Variants in EFCAB7 observed in about 807,000 individuals in gnomAD.
EFCAB7 encodes the protein EF-hand calcium-binding domain-containing protein 7.
A neutral mutation model predicts 77.1 loss-of-function variants in EFCAB7; 66 were observed. The observed-to-expected ratio is 0.86, with a 90% CI of 0.70 to 1.05. The LOEUF is 1.05. Among genes scored for constraint, EFCAB7 ranks in the 50% least tolerant of loss-of-function variants. The probability of loss-of-function intolerance (pLI) is 0.00; values close to 1 mark genes in which losing one functional copy is unlikely to be tolerated. For missense variants in EFCAB7, 638 were observed against 730.5 expected (o/e 0.87, Z 1.46); for synonymous variants, 225 against 243.3 (o/e 0.92, Z 0.70).
chr1:63,526,604 A>G (rs1474417636), intron 2 of EFCAB7, among the ~76,000 whole-genome samples: 1 of 152,252 alleles, frequency 6.6e-6, no homozygotes, highest in Admixed American at 6.5e-5. Flanking sequence ...TAAATAAAAT[A>G]CATTATTTGT....
chr1:63,531,610 A>G (rs1646696811), intron 2 of EFCAB7, among the ~76,000 whole-genome samples: 1 of 152,178 alleles, frequency 6.6e-6, no homozygotes, highest in Admixed American at 6.5e-5. Context: ...ATTAATAATT[A>G]AAGAATGTTT....
At chr1:63,567,143 GATTA>G (rs749733814) in intron 11 of EFCAB7, among the ~76,000 whole-genome samples, 5 of 152,200 alleles carry the variant, frequency 3.3e-5, no homozygotes, top group Admixed American at 6.5e-5. Context: ...GAAGGAGAAT[GATTA>G]ATTAATTAAA....
At position 63,537,371 on chromosome 1, in the gene EFCAB7, A is replaced by G. The variant is rs571297770; in HGVS notation, c.804+3155A>G. On this transcript the variant is annotated intron_variant, in intron 6 of 13. Coordinates refer to ENST00000371088, the MANE Select transcript of EFCAB7 (RefSeq NM_032437.4). ...GCCTACATTTATGTTTTATTCATATATAGTACAACATATGCACACACATCA... is the reference window on the plus strand; with the variant it reads ...GCCTACATTTATGTTTTATTCATATGTAGTACAACATATGCACACACATCA... 5.9e-5 allele frequency among the ~76,000 whole-genome samples: 9 copies of G among 152,310 alleles called. No homozygotes were observed. In the South Asian group the frequency reaches 1.7e-3, roughly 28 times the overall value.
intron 1 of EFCAB7, among the ~76,000 whole-genome samples, 162 bp downstream of exon 1, chr1:63,523,796 A>G (rs1646522870): frequency 6.6e-6 from 1 of 152,190 alleles, no homozygotes; most frequent in African/African-American, 2.4e-5. Context: ...AGAGGAATAC[A>G]AAAATAGAGA....
intron 6 of EFCAB7, among the ~76,000 whole-genome samples, chr1:63,534,671 C>T (rs1251969640): frequency 3.3e-5 from 5 of 151,900 alleles, no homozygotes; most frequent in Admixed American, 2.0e-4. Context: ...TTTCTTTCAA[C>T]AGAAAATAAT....
chr1:63,585,239 GTT>G, the EFCAB7 span, among the ~76,000 whole-genome samples: 324 of 151,710 alleles, frequency 2.1e-3, no homozygotes, highest in African/African-American at 7.6e-3. Flanking sequence ...GTAGTTTGTA[GTT>G]TTTGAGCATT....
intron 2 of EFCAB7, among the ~76,000 whole-genome samples, chr1:63,530,834 A>T (rs1646682189): frequency 6.6e-6 from 1 of 152,222 alleles, no homozygotes; most frequent in African/African-American, 2.4e-5. Context: ...TGGTATTCTT[A>T]AATGAATGAT....
intron 2 of EFCAB7, 128 bp from the exon 3 acceptor site, chr1:63,531,692 A>G: frequency 1.2e-6 from 1 of 836,970 alleles, no homozygotes; most frequent in Non-Finnish European, 1.9e-6. Context: ...GTCAACACCA[A>G]AGTAATGTAC....
chr1:63,528,702 A>G (rs1441633388), intron 2 of EFCAB7, among the ~76,000 whole-genome samples: 1 of 152,124 alleles, frequency 6.6e-6, no homozygotes, highest in Non-Finnish European at 1.5e-5. Flanking sequence ...AAAATTAAAG[A>G]TTTAAAAAAA....
At chr1:63,563,384 T>C (rs1377168542) in intron 11 of EFCAB7, among the ~76,000 whole-genome samples, 2 of 152,208 alleles carry the variant, frequency 1.3e-5, no homozygotes, top group Admixed American at 1.3e-4. Context: ...CAAAGCTGAA[T>C]TGATTGCTTA....
downstream of EFCAB7, among the ~76,000 whole-genome samples, chr1:63,577,563 A>G (rs955749711): frequency 6.6e-6 from 1 of 152,210 alleles, no homozygotes; most frequent in Non-Finnish European, 1.5e-5. Flanking sequence ...TGGCTTTTGA[A>G]AAAAAAGTTT....
intron 3 of EFCAB7, among the ~76,000 whole-genome samples, chr1:63,532,466 C>A (rs977196760): frequency 3.3e-5 from 5 of 152,032 alleles, no homozygotes; most frequent in African/African-American, 1.2e-4. Context: ...AACTGAAATT[C>A]AGCACACTTT....
At chr1:63,549,828 G>T in intron 7 of EFCAB7, 1 of 167,960 alleles carries the variant, frequency 6.0e-6, no homozygotes, top group Non-Finnish European at 1.3e-5. Context: ...CAAGTTAGCT[G>T]CTGTTTTTGT....
chr1:63,530,972 C>T (rs942087836), intron 2 of EFCAB7, among the ~76,000 whole-genome samples: 1 of 152,086 alleles, frequency 6.6e-6, no homozygotes, highest in African/African-American at 2.4e-5. Flanking sequence ...GTATATCCGT[C>T]GCTGCATGCA....
chr1:63,547,364 G>A (rs1646911480), intron 7 of EFCAB7: 1 of 152,118 alleles, frequency 6.6e-6, no homozygotes, highest in African/African-American at 2.4e-5. Context: ...TTAAATTTTA[G>A]TGAGGGAAAC....
chr1:63,525,841 C>A, intron 2 of EFCAB7, 82 bp downstream of exon 2: 1 of 930,866 alleles, frequency 1.1e-6, no homozygotes, highest in African/African-American at 1.7e-5. Context: ...TTAGAATTAC[C>A]TTGTTGAATC....
At chr1:63,573,700 G>T (rs1043880015), downstream of EFCAB7, among the ~76,000 whole-genome samples, 32 of 152,274 alleles carry the variant, frequency 2.1e-4, no homozygotes, top group Middle Eastern at 3.4e-3. Flanking sequence ...GTCCAAGTTG[G>T]TCTGGTGTCT....
intron 9 of EFCAB7, among the ~76,000 whole-genome samples, chr1:63,556,015 G>A (rs1373585669): frequency 2.6e-5 from 4 of 152,110 alleles, no homozygotes; most frequent in Admixed American, 6.5e-5. Context: ...TGGGATTATA[G>A]GTGTGAGCCA....
chr1:63,530,654 C>G (rs1020573547), intron 2 of EFCAB7, among the ~76,000 whole-genome samples: 2 of 152,114 alleles, frequency 1.3e-5, no homozygotes, highest in Non-Finnish European at 2.9e-5. Context: ...CATAGCATCT[C>G]TATAATAATC....
Sources: gnomAD v4.1 joint callset for allele counts (sites outside exome capture counted in the v4.1 genomes callset) on GRCh38, gnomAD v4.1.1 for gene constraint, MANE v1.5 for transcripts, NCBI Gene and HGNC (gene_info 2026-07-23, HGNC 2026-07-21) for gene names.